The following UNC5C variants were observed in gnomAD, a reference collection of about 807,000 sequenced individuals.
The protein encoded by UNC5C is unc-5 netrin receptor C.
In UNC5C, 47 loss-of-function variants were observed where a neutral mutation model predicts 99.8. That is an observed-to-expected ratio of 0.47 (90% CI 0.37 to 0.60). UNC5C has a LOEUF of 0.60. Among genes scored for constraint, UNC5C ranks in the 20% least tolerant of loss-of-function variants. The probability of loss-of-function intolerance (pLI) is 0.00; values close to 1 mark genes in which losing one functional copy is unlikely to be tolerated. For missense variants in UNC5C, 1,062 were observed against 1,165.9 expected, an observed-to-expected ratio of 0.91 and a Z score of 1.30; for synonymous variants, 487 against 452.2, an observed-to-expected ratio of 1.08 and a Z score of -0.98.
At chr4:95,277,559 A>G (rs1359403129) in intron 4 of UNC5C, among the ~76,000 whole-genome samples, 6 of 152,190 alleles carry the variant, frequency 3.9e-5, no homozygotes, top group Non-Finnish European at 7.3e-5. Flanking sequence ...AGTGCTTGCA[A>G]TCTCTTCTGG....
intron 2 of UNC5C, among the ~76,000 whole-genome samples, chr4:95,308,473 C>A (rs1173939660): frequency 6.6e-6 from 1 of 151,962 alleles, no homozygotes; most frequent in African/African-American, 2.4e-5. Flanking sequence ...TAATGGAAGG[C>A]CAGGTGCGGT....
At chr4:95,534,331 T>C (rs1024399475) in intron 1 of UNC5C, among the ~76,000 whole-genome samples, 2 of 152,190 alleles carry the variant, frequency 1.3e-5, no homozygotes, top group Non-Finnish European at 2.9e-5. Flanking sequence ...ATTTGGGTTA[T>C]AAATATATTG....
At chr4:95,504,189 C>T (rs1463049097) in intron 1 of UNC5C, among the ~76,000 whole-genome samples, 1 of 152,082 alleles carries the variant, frequency 6.6e-6, no homozygotes, top group Non-Finnish European at 1.5e-5. Context: ...TAAGATGGCA[C>T]TTCCTGGTCC....
chr4:95,467,096 T>A (rs904939227), intron 1 of UNC5C, among the ~76,000 whole-genome samples: 6 of 152,118 alleles, frequency 3.9e-5, no homozygotes, highest in Non-Finnish European at 7.4e-5. Context: ...TGGGAGCAGA[T>A]CCTCCAGCCC....
chr4:95,381,158 CA>C (rs907432402), intron 1 of UNC5C, among the ~76,000 whole-genome samples: 1 of 152,064 alleles, frequency 6.6e-6, no homozygotes, highest in Non-Finnish European at 1.5e-5. Context: ...TATCATCAAA[CA>C]AGAAAAAAAT....
chr4:95,393,753 C>T (rs1745425555), intron 1 of UNC5C, among the ~76,000 whole-genome samples: 1 of 151,950 alleles, frequency 6.6e-6, no homozygotes, highest in Non-Finnish European at 1.5e-5. Context: ...AAATTAAAAG[C>T]CTACTGATGT....
chr4:95,170,867 G>T (rs1736070103), intron 14 of UNC5C, among the ~76,000 whole-genome samples: 1 of 152,218 alleles, frequency 6.6e-6, no homozygotes, highest in African/African-American at 2.4e-5. Context: ...CTGGAACATA[G>T]CTCTCCTCTA....
rs866390845 is a variant in UNC5C, at chr4:95,315,042, A to T, written c.347-13293T>A. Among the ~76,000 whole-genome samples the T allele has an allele frequency of 3.8e-4, 58 of 152,328 alleles. No individual in the cohort carries two copies. The Middle Eastern group carries it at 0.01, about 27-fold the overall frequency. Reference sequence around the variant, plus strand: ...AAATCCGTCTTTGTGTATCTAAAAAAATGTCAAATTAAAAATAAATTTTAA... The same window carrying T: ...AAATCCGTCTTTGTGTATCTAAAAATATGTCAAATTAAAAATAAATTTTAA... On this transcript the variant is annotated intron_variant, in intron 2 of 15. Coordinates refer to ENST00000453304, the MANE Select transcript of UNC5C (RefSeq NM_003728.4).
At chr4:95,184,122 A>G (rs1442122550) in intron 13 of UNC5C, among the ~76,000 whole-genome samples, 1 of 152,246 alleles carries the variant, frequency 6.6e-6, no homozygotes, top group Non-Finnish European at 1.5e-5. Context: ...ATACTGAGTA[A>G]GTCAGAAGCC....
rs549863055 is a variant in UNC5C at position 95,522,753 on chromosome 4, C to T, written c.124+25981G>A. Among the ~76,000 whole-genome samples the T allele has an allele frequency of 1.1e-4, 16 of 152,198 alleles. No homozygotes were observed. In the East Asian group the frequency reaches 2.9e-3, roughly 28 times the overall value. ...ATCATTACAATATTTTAATCTTAAC[C>T]TCTTCTTTCTTTTTCTCCTAATAGT... On this transcript the variant is annotated intron_variant, in intron 1 of 15. Coordinates refer to ENST00000453304, the MANE Select transcript of UNC5C (RefSeq NM_003728.4).
chr4:95,520,288 G>T (rs1722315953), intron 1 of UNC5C, among the ~76,000 whole-genome samples: 1 of 152,076 alleles, frequency 6.6e-6, no homozygotes, highest in Non-Finnish European at 1.5e-5. Flanking sequence ...AAAAGATAAG[G>T]ATTATCTACC....
chr4:95,223,260 A>G (rs1379109688), intron 7 of UNC5C, among the ~76,000 whole-genome samples: 4 of 152,238 alleles, frequency 2.6e-5, no homozygotes, highest in African/African-American at 9.6e-5. Flanking sequence ...ATTCTGCTAC[A>G]TATGAATTAA....
chr4:95,495,064 T>C (rs1030421724), intron 1 of UNC5C, among the ~76,000 whole-genome samples: 1 of 151,570 alleles, frequency 6.6e-6, no homozygotes, highest in East Asian at 1.9e-4. Flanking sequence ...TTTAATGAAG[T>C]CAGCTAGTAT....
intron 1 of UNC5C, among the ~76,000 whole-genome samples, chr4:95,443,811 TTCAA>T (rs1450923559): frequency 2.0e-5 from 3 of 152,160 alleles, no homozygotes; most frequent in Non-Finnish European, 2.9e-5. Flanking sequence ...TTACAGAATT[TTCAA>T]TCAAAGTACT....
chr4:95,445,970 A>C (rs551220589), intron 1 of UNC5C, among the ~76,000 whole-genome samples: 1 of 149,844 alleles, frequency 6.7e-6, no homozygotes, highest in Non-Finnish European at 1.5e-5. Flanking sequence ...CTGCAAAAAA[A>C]ACAAAACAAA....
intron 11 of UNC5C, 66 bp from the exon 12 acceptor site, chr4:95,203,030 T>C (rs1737747094): frequency 1.4e-6 from 2 of 1,440,658 alleles, no homozygotes; most frequent in East Asian, 4.6e-5. Flanking sequence ...CCAGGGATGG[T>C]GGTGAATGGT....
At chr4:95,410,803 C>G (rs1253551537) in intron 1 of UNC5C, among the ~76,000 whole-genome samples, 1 of 152,138 alleles carries the variant, frequency 6.6e-6, no homozygotes, top group Non-Finnish European at 1.5e-5. Flanking sequence ...ATCAAGCCCC[C>G]ACCCTGCTCG....
At chr4:95,481,202 T>C (rs1452401925) in intron 1 of UNC5C, among the ~76,000 whole-genome samples, 3 of 151,882 alleles carry the variant, frequency 2.0e-5, no homozygotes, top group Non-Finnish European at 2.9e-5. Context: ...ACAAGCATTC[T>C]TATACACCAA....
At chr4:95,214,124 T>C (rs1288963327) in intron 10 of UNC5C, among the ~76,000 whole-genome samples, 3 of 152,216 alleles carry the variant, frequency 2.0e-5, no homozygotes, top group Non-Finnish European at 4.4e-5. Flanking sequence ...CAGGGATGCT[T>C]TGTTTTATGA....
Sources: gnomAD v4.1 joint callset for allele counts (sites outside exome capture counted in the v4.1 genomes callset) on GRCh38, gnomAD v4.1.1 for gene constraint, MANE v1.5 for transcripts, NCBI Gene and HGNC (gene_info 2026-07-23, HGNC 2026-07-21) for gene names.